CNTLN: variants seen among roughly 807,000 people sequenced by gnomAD.
CNTLN encodes centlein, also known as centlein, centrosomal protein.
CNTLN carries 212 observed loss-of-function variants against 180.0 expected under a neutral mutation model. That is an observed-to-expected ratio of 1.18 (90% confidence interval 1.05 to 1.32). The LOEUF (loss-of-function observed/expected upper bound fraction) is 1.32, where lower values mean the gene tolerates loss of function less well. Ranked by LOEUF, CNTLN falls within the 40% of genes most tolerant of loss-of-function variation. The pLI is 0.00. For missense variants in CNTLN, 2,095 were observed against 1,610.9 expected (o/e 1.30, Z -5.14); for synonymous variants, 722 against 563.1 (o/e 1.28, Z -3.99).
the CNTLN span, among the ~76,000 whole-genome samples, chr9:17,516,338 C>G: frequency 5.3e-5 from 8 of 152,122 alleles, no homozygotes. Context: ...CTTTGCTCAC[C>G]CATTGCAAGG....
chr9:17,297,698 C>T lies in CNTLN; in HGVS notation c.984-492C>T, dbSNP rs148921456. ...GTCACAAGTATCCCAGCCCAGGACC[C>T]TGAGGTTACAAACTAGAATTGGCAG... On this transcript the variant is annotated intron_variant, in intron 6 of 25. Coordinates refer to ENST00000380647, the MANE Select transcript of CNTLN (RefSeq NM_017738.4). Among the ~76,000 whole-genome samples the T allele has an allele frequency of 5.1e-3, 771 of 152,288 alleles. 5 individuals carry two copies. The highest frequency in any genetic ancestry group is 0.017 in the African/African-American group (715 of 41,560).
intron 6 of CNTLN, among the ~76,000 whole-genome samples, chr9:17,274,817 C>G (rs10962993): frequency 0.3 from 46,120 of 151,776 alleles, 7,110 homozygotes; most frequent in South Asian, 0.41. Flanking sequence ...CTGTTTATGA[C>G]GTAGTTTTTA....
rs1295425864 is a variant in CNTLN, at chr9:17,394,901, C to T, written c.2447C>T (p.Ser816Phe). 6.2e-7 allele frequency: 1 copy of T among 1,614,064 alleles called. No individual in the cohort carries two copies. The highest frequency in any genetic ancestry group is 1.7e-5 in the Admixed American group (1 of 60,010). ...GAGATGGCCACCATGAAAGTGAGAT[C>T]TGGACGATATGATTGTAAGACAACT... ...KSEMATMKVRSGRYDCKTTMT... is the reference protein window; with the variant it reads ...KSEMATMKVRFGRYDCKTTMT... The change falls in exon 15 of 26, where the codon TCT becomes TTT. Residue 816 changes from serine to phenylalanine, a missense_variant. Ser to Phe is a radical substitution (Grantham distance 155, BLOSUM62 -2). Coordinates refer to ENST00000380647, the MANE Select transcript of CNTLN (RefSeq NM_017738.4).
chr9:17,242,729 G>A (rs1033560605), intron 5 of CNTLN, among the ~76,000 whole-genome samples: 1 of 152,166 alleles, frequency 6.6e-6, no homozygotes, highest in Admixed American at 6.5e-5. Context: ...CATGATGAAT[G>A]ATCTTTTTGA....
At position 17,226,262 on chromosome 9, in the gene CNTLN, A is replaced by C. The variant is rs764045613; in HGVS notation, c.509A>C (p.Asp170Ala). The C allele has an allele frequency of 6.3e-7, 1 of 1,576,948 alleles. No homozygotes were observed. Among genetic ancestry groups the C allele is most frequent in the South Asian group, 1.2e-5 (1 of 83,514 alleles). ...GTTCTAGAAATTCTGCAAGTCAAGG[A>C]TGCCAAAATACAAGAATTTGAACAG... The part of the protein sequence containing the change: ...RKVLEILQVK[D>A]AKIQEFEQRE... The change falls in exon 3 of 26, where the codon GAT becomes GCT. Residue 170 changes from aspartate (D) to alanine (A), a missense_variant. Asp to Ala is a moderately radical substitution (Grantham distance 126). Coordinates refer to ENST00000380647, the MANE Select transcript of CNTLN (RefSeq NM_017738.4).
chr9:17,257,135 C>T (rs1383197200), intron 5 of CNTLN, among the ~76,000 whole-genome samples: 1 of 151,708 alleles, frequency 6.6e-6, no homozygotes, highest in Non-Finnish European at 1.5e-5. Flanking sequence ...CCTCCTCCCA[C>T]CCCACAACAG....
intron 12 of CNTLN, among the ~76,000 whole-genome samples, chr9:17,344,597 T>A (rs543357648): frequency 5.6e-4 from 86 of 152,214 alleles, no homozygotes; most frequent in South Asian, 1.9e-3. Flanking sequence ...TGGAAACATG[T>A]TTAGTATTAA....
chr9:17,206,802 T>C (rs114830173), intron 2 of CNTLN, among the ~76,000 whole-genome samples: 2,067 of 152,312 alleles, frequency 0.014, 51 homozygotes, highest in African/African-American at 0.048. Flanking sequence ...GAAATCTCTG[T>C]TTCAATCTAT....
At chr9:17,178,708 G>A (rs534958890) in intron 2 of CNTLN, among the ~76,000 whole-genome samples, 31 of 152,054 alleles carry the variant, frequency 2.0e-4, no homozygotes, top group African/African-American at 7.2e-4. Context: ...ACACCCACCC[G>A]GAATTCACGC....
At chr9:17,518,341 C>G in the CNTLN span, among the ~76,000 whole-genome samples, 6 of 152,126 alleles carry the variant, frequency 3.9e-5, no homozygotes, top group African/African-American at 1.2e-4. Context: ...GCCACCGTGC[C>G]TGGCCTCCAT....
In CNTLN at chr9:17,135,152, T is replaced by C; in HGVS notation, c.87T>C (p.Ala29=). ...GGTCCCCACGTGTTGGGCGGGGAGC[T>C]GAAGTACACGCAATGCGCAGCGAGG... The part of the protein sequence containing the change: ...GPRSPRVGRG[A]EVHAMRSEAS... Residue 29 remains alanine (A), a synonymous_variant, in exon 1 of 26, where the codon GCT becomes GCC. Transcript: ENST00000380647. 1 of 1,608,936 alleles carries C rather than the reference T, an allele frequency of 6.2e-7. No homozygotes were observed. The highest frequency in any genetic ancestry group is 8.5e-7 in the Non-Finnish European group (1 of 1,178,434).
rs1213356005 is a variant in CNTLN, at chr9:17,466,895, T to G, written c.3855+4T>G. 2 of 1,604,766 alleles carry G rather than the reference T, an allele frequency of 1.2e-6. No homozygotes were observed. Among genetic ancestry groups the G allele is most frequent in the African/African-American group, 2.7e-5 (2 of 74,430 alleles). ...AGAGTTCACCACATTTGTGAAGGTT[T>G]GAATTACTTGTCGTTTACTAACTTG... is the stretch of plus-strand genomic sequence containing the variant. On this transcript the variant is annotated splice_donor_region_variant and intron_variant, in intron 23 of 25. Coordinates refer to ENST00000380647, the MANE Select transcript of CNTLN (RefSeq NM_017738.4).
chr9:17,457,376 A>T, intron 18 of CNTLN, 148 bp from the exon 19 acceptor site: 1 of 459,398 alleles, frequency 2.2e-6, no homozygotes, highest in Non-Finnish European at 3.3e-6. Flanking sequence ...AGAGGTTAAG[A>T]TTTTTGTAAA....
In CNTLN at chr9:17,312,357, A is replaced by AT. The variant is rs1819205043; in HGVS notation, c.1341+3106dup. On this transcript the variant is annotated intron_variant, in intron 8 of 25. Transcript: ENST00000380647. Reference sequence around the variant, plus strand: ...GATTACTGTATTTATATATATATATATATATATTATATATATATATATATA... The same window carrying AT: ...GATTACTGTATTTATATATATATATATTATATATTATATATATATATATATA... Among the ~76,000 whole-genome samples, 6 of 15,036 alleles carry AT rather than the reference A, an allele frequency of 4.0e-4. No homozygotes were observed. The Admixed American group carries it at 4.6e-3, about 12-fold the overall frequency. 9.9% of individuals were successfully genotyped at this position (15,036 alleles called of 152,430 possible).
intron 18 of CNTLN, among the ~76,000 whole-genome samples, chr9:17,437,633 A>G (rs1247134842): frequency 6.6e-6 from 1 of 152,198 alleles, no homozygotes; most frequent in East Asian, 1.9e-4. Flanking sequence ...GAATATTTGT[A>G]TGCACATGGA....
chr9:17,367,675 G>T (rs4961551), intron 13 of CNTLN, among the ~76,000 whole-genome samples: 1 of 151,972 alleles, frequency 6.6e-6, no homozygotes, highest in Non-Finnish European at 1.5e-5. Flanking sequence ...AGGATAGGGC[G>T]CTAGTTAGAT....
rs117290640 is a variant in CNTLN, at chr9:17,368,173, C to G, written c.1987+1456C>G. Among the ~76,000 whole-genome samples, 272 of 152,190 alleles carry G rather than the reference C, an allele frequency of 1.8e-3. 1 individual carries two copies. The highest frequency in any genetic ancestry group is 0.015 in the East Asian group (78 of 5,156). ...ATTTGTGGCAAGCTGACTGAAGAGC[C>G]CTTGGGCTTTAAGGAACATTGACAG... On this transcript the variant is annotated intron_variant, in intron 13 of 25. Transcript: ENST00000380647.
intron 5 of CNTLN, among the ~76,000 whole-genome samples, chr9:17,270,698 T>C (rs1291961995): frequency 1.3e-5 from 2 of 152,190 alleles, no homozygotes; most frequent in Non-Finnish European, 2.9e-5. Context: ...GACCTTACCT[T>C]TAAACCTTTA....
chr9:17,507,319 T>C (rs1833950233), downstream of CNTLN, among the ~76,000 whole-genome samples: 1 of 152,174 alleles, frequency 6.6e-6, no homozygotes, highest in Non-Finnish European at 1.5e-5. Context: ...CAGGCTATGC[T>C]TTTGTTCTTT....
Sources: allele counts gnomAD v4.1 joint callset (sites outside exome capture counted in the v4.1 genomes callset), GRCh38; gene constraint gnomAD v4.1.1; transcripts MANE v1.5; gene names NCBI Gene and HGNC (gene_info 2026-07-23, HGNC 2026-07-21).